The following CSMD1 variants were observed in gnomAD, a reference collection of about 807,000 sequenced individuals.
The protein encoded by CSMD1 is CUB and Sushi multiple domains 1.
In CSMD1, 213 loss-of-function variants were observed where a neutral mutation model predicts 417.5. The observed-to-expected ratio is 0.51, with a 90% confidence interval of 0.46 to 0.57. CSMD1 has a LOEUF of 0.57. CSMD1 is among the 20% of genes least tolerant of loss of function. CSMD1 has a pLI of 0.00. For synonymous variants in CSMD1, 2,862 were observed against 1,736.8 expected, an observed-to-expected ratio of 1.65 and a Z score of -16.11; for missense variants, 6,923 against 4,529.7, an observed-to-expected ratio of 1.53 and a Z score of -15.17.
chr8:4,334,695 T>C (rs1200911424), intron 3 of CSMD1, among the ~76,000 whole-genome samples: 1 of 152,154 alleles, frequency 6.6e-6, no homozygotes, highest in African/African-American at 2.4e-5. Flanking sequence ...TACTGCCCAA[T>C]TCTTACCATG....
chr8:4,068,382 T>A (rs1469777007), intron 3 of CSMD1, among the ~76,000 whole-genome samples: 2 of 152,072 alleles, frequency 1.3e-5, no homozygotes, highest in Non-Finnish European at 2.9e-5. Flanking sequence ...GCCATGGGAG[T>A]GTGACTTTTA....
intron 3 of CSMD1, among the ~76,000 whole-genome samples, chr8:4,231,631 T>C (rs1801739743): frequency 6.6e-6 from 1 of 152,236 alleles, no homozygotes; most frequent in South Asian, 2.1e-4. Flanking sequence ...AGATATCTTC[T>C]TTACTGCAGG....
intron 2 of CSMD1, among the ~76,000 whole-genome samples, chr8:4,462,516 C>CA (rs1311301196): frequency 6.6e-6 from 1 of 152,052 alleles, no homozygotes; most frequent in African/African-American, 2.4e-5. Context: ...TATGGATATT[C>CA]AAAGGACTTA....
At chr8:4,094,866 G>T (rs13340565) in intron 3 of CSMD1, among the ~76,000 whole-genome samples, 2 of 152,026 alleles carry the variant, frequency 1.3e-5, no homozygotes, top group Admixed American at 1.3e-4. Flanking sequence ...TGTGTTTGGG[G>T]CATATTGTGT....
chr8:4,380,558 T>G (rs143991131), intron 3 of CSMD1, among the ~76,000 whole-genome samples: 1 of 152,178 alleles, frequency 6.6e-6, no homozygotes, highest in Non-Finnish European at 1.5e-5. Flanking sequence ...ACATGAGGTT[T>G]GGGATGGGAC....
intron 3 of CSMD1, among the ~76,000 whole-genome samples, chr8:4,255,758 A>C (rs908596128): frequency 3.9e-5 from 6 of 152,214 alleles, no homozygotes; most frequent in Admixed American, 1.3e-4. Flanking sequence ...AAAAGTTCTA[A>C]AATTAATATA....
chr8:3,389,328 T>C (rs1811207099), intron 17 of CSMD1, among the ~76,000 whole-genome samples: 1 of 152,132 alleles, frequency 6.6e-6, no homozygotes, highest in Non-Finnish European at 1.5e-5. Flanking sequence ...CCATGTGTTT[T>C]CATCATTTAG....
intron 10 of CSMD1, among the ~76,000 whole-genome samples, chr8:3,554,480 A>G (rs917341155): frequency 6.6e-6 from 1 of 152,150 alleles, no homozygotes; most frequent in Admixed American, 6.5e-5. Flanking sequence ...ATTGAGGGGA[A>G]GGGAGGGTGG....
At position 4,637,480 on chromosome 8, in the gene CSMD1, T is replaced by A; in HGVS notation, c.164A>T (p.Tyr55Phe). The change falls in exon 2 of 70, where the codon TAT becomes TTT. Residue 55 changes from tyrosine (Y) to phenylalanine (F), a missense_variant. Tyr to Phe is a conservative substitution (Grantham distance 22). Transcript: ENST00000635120. ...GATGATGATCCAGGTGCAGTTGGCA[T>A]AGTTCGGATACCCGTGAGGAAACCC... ...SPGFPHGYPNYANCTWIIITG... is the reference protein window; with the variant it reads ...SPGFPHGYPNFANCTWIIITG... 6.2e-7 allele frequency: 1 copy of A among 1,613,864 alleles called. No homozygotes were observed. Among genetic ancestry groups the A allele is most frequent in the South Asian group, 1.1e-5 (1 of 91,076 alleles).
intron 4 of CSMD1, among the ~76,000 whole-genome samples, chr8:4,023,426 G>C (rs112102090): frequency 0.015 from 2,357 of 152,168 alleles, 67 homozygotes; most frequent in African/African-American, 0.054. Flanking sequence ...GAATAATTGA[G>C]GCAAAGCCAG....
intron 3 of CSMD1, among the ~76,000 whole-genome samples, chr8:4,365,686 C>T (rs1045449961): frequency 2.7e-4 from 41 of 152,278 alleles, no homozygotes; most frequent in African/African-American, 9.9e-4. Flanking sequence ...CAAACTCCAG[C>T]CTCTGATCCA....
intron 12 of CSMD1, among the ~76,000 whole-genome samples, chr8:3,432,162 G>A (rs1356465115): frequency 6.6e-6 from 1 of 152,148 alleles, no homozygotes; most frequent in Non-Finnish European, 1.5e-5. Context: ...GGTAATACCT[G>A]AACTTCTTAA....
intron 5 of CSMD1, among the ~76,000 whole-genome samples, chr8:3,975,432 C>A (rs142502746): frequency 6.6e-6 from 1 of 152,068 alleles, no homozygotes; most frequent in South Asian, 2.1e-4. Flanking sequence ...ATTTACAACC[C>A]TTAGAAAAAT....
chr8:3,880,231 A>G (rs1020857068), intron 5 of CSMD1, among the ~76,000 whole-genome samples: 3 of 152,204 alleles, frequency 2.0e-5, no homozygotes, highest in Admixed American at 6.5e-5. Flanking sequence ...GTGCAATTCT[A>G]TATGAATCAC....
intron 15 of CSMD1, among the ~76,000 whole-genome samples, chr8:3,402,049 C>T (rs1275226659): frequency 6.6e-6 from 1 of 151,900 alleles, no homozygotes; most frequent in African/African-American, 2.4e-5. Context: ...TTCTTGATTA[C>T]ATATGTGTAT....
At chr8:4,112,457 C>G (rs966978600) in intron 3 of CSMD1, among the ~76,000 whole-genome samples, 1 of 152,188 alleles carries the variant, frequency 6.6e-6, no homozygotes, top group Non-Finnish European at 1.5e-5. Context: ...TCCCCATTCT[C>G]CCCTGGTTCT....
chr8:4,394,822 G>T (rs915429478), intron 3 of CSMD1, among the ~76,000 whole-genome samples: 1 of 152,066 alleles, frequency 6.6e-6, no homozygotes, highest in African/African-American at 2.4e-5. Context: ...TAAATTTCTG[G>T]ATTTTTTCAT....
At chr8:4,741,194 C>T (rs2117005113) in intron 1 of CSMD1, among the ~76,000 whole-genome samples, 1 of 152,238 alleles carries the variant, frequency 6.6e-6, no homozygotes, top group East Asian at 1.9e-4. Flanking sequence ...AGAGGCATTT[C>T]AACAGAAGAC....
chr8:4,414,994 T>G (rs1209244677), intron 3 of CSMD1, among the ~76,000 whole-genome samples: 1 of 152,166 alleles, frequency 6.6e-6, no homozygotes, highest in African/African-American at 2.4e-5. Context: ...CAAAATGTGA[T>G]AAATTGTCAC....
Sources: allele counts gnomAD v4.1 joint callset (sites outside exome capture counted in the v4.1 genomes callset), GRCh38; gene constraint gnomAD v4.1.1; transcripts MANE v1.5; gene names NCBI Gene and HGNC (gene_info 2026-07-23, HGNC 2026-07-21).